Variants in EPB41L1 observed in about 807,000 individuals in gnomAD.
EPB41L1 encodes the protein band 4.1-like protein 1.
EPB41L1 carries 29 observed loss-of-function variants against 97.8 expected under a neutral mutation model. That is an observed-to-expected ratio of 0.30 (90% CI 0.22 to 0.40). EPB41L1 has a LOEUF of 0.40. EPB41L1 is among the 10% of genes least tolerant of loss of function. The pLI, the probability that EPB41L1 is intolerant of heterozygous loss-of-function variation, is 1.00. For missense variants in EPB41L1, 812 were observed against 1,162.3 expected, an observed-to-expected ratio of 0.70 and a Z score of 4.38; for synonymous variants, 383 against 459.2, an observed-to-expected ratio of 0.83 and a Z score of 2.12.
chr20:36,184,060 C>T (rs182110977), intron 6 of EPB41L1, among the ~76,000 whole-genome samples: 1 of 152,142 alleles, frequency 6.6e-6, no homozygotes, highest in African/African-American at 2.4e-5. Context: ...CGTGGCGAAA[C>T]CTTGTCTCCA....
intron 9 of EPB41L1, among the ~76,000 whole-genome samples, chr20:36,188,722 G>A (rs1211424645): frequency 2.7e-5 from 4 of 150,916 alleles, no homozygotes; most frequent in African/African-American, 9.8e-5. Context: ...GCTCATGCCT[G>A]TAATTCCAGC....
chr20:36,154,095 C>T (rs1176200851), upstream of EPB41L1, among the ~76,000 whole-genome samples: 3 of 152,156 alleles, frequency 2.0e-5, no homozygotes, highest in Non-Finnish European at 4.4e-5. This position sits in a 1 kb window ranked among gnomAD's most constrained non-coding sequence, Gnocchi z 5.5. Flanking sequence ...GACAAATGTA[C>T]ACATAGACAC....
rs763830516 is a variant in EPB41L1 at position 36,195,323 on chromosome 20, C to T, written c.1450-6C>T. The T allele has an allele frequency of 8.7e-6, 14 of 1,613,972 alleles. No individual in the cohort carries two copies. Among genetic ancestry groups the T allele is most frequent in the Middle Eastern group, 1.6e-4 (1 of 6,082 alleles). On this transcript the variant is annotated splice_region_variant and splice_polypyrimidine_tract_variant and intron_variant, in intron 12 of 21. Transcript: ENST00000338074. This position sits in a 1 kb window ranked among gnomAD's most constrained non-coding sequence, Gnocchi z 4.6. ...GCTTTCTTTCCCTCCTACCACATCC[C>T]ACTAGCCGGAGCAGGAAACCACGCC...
At chr20:36,184,979 C>G in intron 6 of EPB41L1, 138 bp from the exon 7 acceptor site, 1 of 801,052 alleles carries the variant, frequency 1.2e-6, no homozygotes, top group South Asian at 1.5e-5. Context: ...CCCAGATTGT[C>G]AATATATGAA....
At position 36,126,090 on chromosome 20, in the gene EPB41L1, T is replaced by C. The variant is rs2058955109; in HGVS notation, c.-10+13610T>C. On this transcript the variant is annotated intron_variant, in intron 2 of 19. Coordinates refer to the EPB41L1 transcript ENST00000202028. ...TTTGATGCCTGTAGTTTGACTTTTC[T>C]GGGAATTCAGTAGCTCCCTGAGAAA... Among the ~76,000 whole-genome samples, 4 of 152,270 alleles carry C rather than the reference T, an allele frequency of 2.6e-5. No individual in the cohort carries two copies. In the South Asian group the frequency reaches 8.3e-4, roughly 32 times the overall value.
rs149993419 is a variant in EPB41L1 at position 36,136,949 on chromosome 20, G to C, written c.-10+24469G>C. Among the ~76,000 whole-genome samples, 14 of 152,120 alleles carry C rather than the reference G, an allele frequency of 9.2e-5. No individual in the cohort carries two copies. The East Asian group carries it at 2.7e-3, about 29-fold the overall frequency. ...TGCCTAGACTGAAGTGCAGTGGCAC[G>C]ATCACTGCAGCCCCAACCTCCCAGG... is the stretch of plus-strand genomic sequence containing the variant. On this transcript the variant is annotated intron_variant, in intron 2 of 19. Transcript: ENST00000202028.
At chr20:36,175,805 A>G in intron 3 of EPB41L1, 90 bp downstream of exon 3, 1 of 1,420,034 alleles carries the variant, frequency 7.0e-7, no homozygotes, top group Non-Finnish European at 9.8e-7. Context: ...GCTTGGGCCA[A>G]ACCAGAGGAG....
chr20:36,114,432 A>C (rs566235110), intron 2 of EPB41L1, among the ~76,000 whole-genome samples: 46 of 152,116 alleles, frequency 3.0e-4, no homozygotes, highest in Non-Finnish European at 5.9e-4. Flanking sequence ...TGCCCACTGC[A>C]ACCCAGGTGA....
upstream of EPB41L1, among the ~76,000 whole-genome samples, chr20:36,150,206 G>A (rs1186802513): frequency 6.6e-6 from 1 of 151,970 alleles, no homozygotes; most frequent in Non-Finnish European, 1.5e-5. Flanking sequence ...GAGTAGCTGG[G>A]ATTATAGGCA....
intron 1 of EPB41L1, among the ~76,000 whole-genome samples, chr20:36,107,420 C>T (rs1353935525): frequency 6.6e-6 from 1 of 150,964 alleles, no homozygotes; most frequent in Non-Finnish European, 1.5e-5. Context: ...GGGGTTTCAT[C>T]ATATTGGTCA....
intron 2 of EPB41L1, among the ~76,000 whole-genome samples, chr20:36,120,453 A>G (rs554033507): frequency 6.6e-6 from 1 of 152,366 alleles, no homozygotes; most frequent in Non-Finnish European, 1.5e-5. Context: ...AAGCACACAC[A>G]GGCCTTGAAG....
chr20:36,157,358 C>T (rs1365787827), intron 1 of EPB41L1, among the ~76,000 whole-genome samples: 1 of 152,202 alleles, frequency 6.6e-6, no homozygotes, highest in Non-Finnish European at 1.5e-5. Context: ...AGTCATTTCA[C>T]AGTAACCCTG....
chr20:36,224,778 A>G (rs1009583460), intron 21 of EPB41L1, among the ~76,000 whole-genome samples: 4 of 152,232 alleles, frequency 2.6e-5, no homozygotes, highest in Non-Finnish European at 5.9e-5. Flanking sequence ...ATAGAAATAT[A>G]TAGAAAATTT....
In EPB41L1 at chr20:36,229,517, T is replaced by G. The variant is rs1035864904; in HGVS notation, c.*177T>G. On this transcript the variant is annotated 3_prime_UTR_variant, in exon 22 of 22. Coordinates refer to ENST00000338074, the MANE Select transcript of EPB41L1 (RefSeq NM_012156.2). ...ATATAGATATATAGAGATATAGATA[T>G]ATATACAGGAAACACCGCATCCTTG... 3 of 602,108 alleles carry G rather than the reference T, an allele frequency of 5.0e-6. No homozygotes were observed. Among genetic ancestry groups the G allele is most frequent in the Non-Finnish European group, 9.0e-6 (3 of 333,380 alleles). The allele number at this position is 602,108 out of a possible 1,614,324, so 37.3% of individuals were successfully genotyped here.
In EPB41L1 at chr20:36,207,722, A is replaced by G. The variant is rs1569322262; in HGVS notation, c.1669-1766A>G. 1 of 1,289,876 alleles carries G rather than the reference A, an allele frequency of 7.8e-7. No homozygotes were observed. The allele number at this position is 1,289,876 out of a possible 1,614,324, so 79.9% of individuals were successfully genotyped here. On this transcript the variant is annotated intron_variant, in intron 14 of 21. Coordinates refer to ENST00000338074, the MANE Select transcript of EPB41L1 (RefSeq NM_012156.2). This position sits in a 1 kb window ranked among gnomAD's most constrained non-coding sequence, Gnocchi z 4.9. The stretch of plus-strand genomic sequence containing the variant: ...TACCAGGAAGCACACACGGAACTAG[A>G]GCCCGTGTCCCCCAATTCAGGCTGT...
intron 2 of EPB41L1, among the ~76,000 whole-genome samples, chr20:36,129,948 T>G (rs11905151): frequency 8.6e-6 from 1 of 116,108 alleles, no homozygotes; most frequent in African/African-American, 2.7e-5. Context: ...TTTTTTTTTG[T>G]TTTTTTTTTT....
chr20:36,140,231 G>GTT (rs756465286), intron 2 of EPB41L1, among the ~76,000 whole-genome samples: 17 of 121,340 alleles, frequency 1.4e-4, no homozygotes, highest in South Asian at 2.8e-4. Flanking sequence ...CTTTTTGTAT[G>GTT]TTTTTTTTTT....
At chr20:36,149,134 C>T (rs190008095) in intron 2 of EPB41L1, among the ~76,000 whole-genome samples, 7 of 152,246 alleles carry the variant, frequency 4.6e-5, no homozygotes, top group South Asian at 2.1e-4. Context: ...CTCTGGAAGA[C>T]GGTGCTGATA....
intron 1 of EPB41L1, among the ~76,000 whole-genome samples, chr20:36,171,545 C>G (rs1261326227): frequency 1.3e-5 from 2 of 152,132 alleles, no homozygotes; most frequent in Non-Finnish European, 2.9e-5. Flanking sequence ...GTACTCCAAG[C>G]CTCCACGCAA....
Sources: gnomAD v4.1 joint callset for allele counts (sites outside exome capture counted in the v4.1 genomes callset) on GRCh38, gnomAD v4.1.1 for gene constraint, Gnocchi (gnomAD v3.1) non-coding constraint, MANE v1.5 for transcripts, NCBI Gene and HGNC (gene_info 2026-07-23, HGNC 2026-07-21) for gene names.